The following DCDC2C variants were observed in gnomAD, a reference collection of about 807,000 sequenced individuals.
DCDC2C encodes the protein doublecortin domain containing 2C.
A neutral mutation model predicts 45.0 loss-of-function variants in DCDC2C; 44 were observed. That is an observed-to-expected ratio of 0.98 (90% CI 0.77 to 1.26). The LOEUF (loss-of-function observed/expected upper bound fraction) is 1.26. Among genes scored for constraint, DCDC2C ranks in the 50% most tolerant of loss-of-function variants. The pLI is 0.00. For missense variants in DCDC2C, 447 were observed against 468.9 expected, an observed-to-expected ratio of 0.95 and a Z score of 0.43; for synonymous variants, 187 against 178.8, an observed-to-expected ratio of 1.05 and a Z score of -0.37.
chr2:3,821,665 G>C (rs1282954624), intron 10 of DCDC2C, among the ~76,000 whole-genome samples: 1 of 152,208 alleles, frequency 6.6e-6, no homozygotes, highest in African/African-American at 2.4e-5. Flanking sequence ...TGTGTTGCTT[G>C]AGATACCAGA....
At chr2:3,824,844 T>G (rs6542655) in intron 10 of DCDC2C, among the ~76,000 whole-genome samples, 1 of 151,658 alleles carries the variant, frequency 6.6e-6, no homozygotes, top group Admixed American at 6.6e-5. Flanking sequence ...GATTTCTGTA[T>G]CTGGGTCTTG....
At chr2:3,820,616 G>A (rs571449704) in intron 10 of DCDC2C, among the ~76,000 whole-genome samples, 35 of 152,278 alleles carry the variant, frequency 2.3e-4, no homozygotes, top group African/African-American at 7.0e-4. Context: ...TCCCAAGTCC[G>A]TGACCGGTGC....
At chr2:3,745,281 C>G (rs910893532) in intron 4 of DCDC2C, among the ~76,000 whole-genome samples, 2 of 152,166 alleles carry the variant, frequency 1.3e-5, no homozygotes, top group African/African-American at 4.8e-5. Context: ...CCACTGCACC[C>G]AGCCTTGGAA....
At chr2:3,760,251 A>G (rs1329334586) in intron 6 of DCDC2C, among the ~76,000 whole-genome samples, 1 of 152,204 alleles carries the variant, frequency 6.6e-6, no homozygotes, top group African/African-American at 2.4e-5. Context: ...TTTTTTCTTA[A>G]TTCAGCAAAA....
intron 2 of DCDC2C, among the ~76,000 whole-genome samples, chr2:3,713,947 G>A (rs1414005956): frequency 1.3e-5 from 2 of 152,170 alleles, no homozygotes; most frequent in East Asian, 3.9e-4. Context: ...GAATACCAGT[G>A]TAAACTGTTT....
chr2:3,722,771 A>G (rs1018766098), intron 2 of DCDC2C, among the ~76,000 whole-genome samples: 4 of 152,250 alleles, frequency 2.6e-5, no homozygotes, highest in Non-Finnish European at 4.4e-5. Flanking sequence ...GGCAGGTGAT[A>G]GCAGGGTTAA....
intron 10 of DCDC2C, among the ~76,000 whole-genome samples, chr2:3,838,481 A>AGAGC (rs1672137026): frequency 6.8e-6 from 1 of 147,192 alleles, no homozygotes; most frequent in South Asian, 2.2e-4. Context: ...AGAGAGAGAG[A>AGAGC]GACCAAACAC....
At chr2:3,712,107 T>A (rs1411970540) in intron 2 of DCDC2C, among the ~76,000 whole-genome samples, 1 of 152,156 alleles carries the variant, frequency 6.6e-6, no homozygotes, top group Non-Finnish European at 1.5e-5. Flanking sequence ...CTGAATGAGT[T>A]GGAACCACCA....
intron 3 of DCDC2C, among the ~76,000 whole-genome samples, chr2:3,730,858 C>T (rs1272130244): frequency 1.3e-5 from 2 of 152,184 alleles, no homozygotes; most frequent in Non-Finnish European, 2.9e-5. Flanking sequence ...GAGTTGATCA[C>T]GGCCCTCACT....
At chr2:3,845,608 A>AC (rs1356457808) in intron 10 of DCDC2C, among the ~76,000 whole-genome samples, 1 of 152,238 alleles carries the variant, frequency 6.6e-6, no homozygotes, top group Non-Finnish European at 1.5e-5. Flanking sequence ...TCAAATAGGA[A>AC]CCATTGCCAT....
chr2:3,761,401 G>A lies in DCDC2C; in HGVS notation c.727-6353G>A, dbSNP rs1200458670. On this transcript the variant is annotated intron_variant, in intron 6 of 10. Coordinates refer to ENST00000399143, the MANE Select transcript of DCDC2C (RefSeq NM_001287444.2). This position sits in a 1 kb window ranked among gnomAD's most constrained non-coding sequence, Gnocchi z 4.3. ...CGTGTGTGTGTGCGTGTGTGTGTGCGTGAAAACAGTTGCAGAGGCATGTGC... is the reference window on the plus strand; with the variant it reads ...CGTGTGTGTGTGCGTGTGTGTGTGCATGAAAACAGTTGCAGAGGCATGTGC... Among the ~76,000 whole-genome samples, 6 of 152,178 alleles carry A rather than the reference G, an allele frequency of 3.9e-5. No individual in the cohort carries two copies. The East Asian group carries it at 5.8e-4, about 15-fold the overall frequency.
intron 10 of DCDC2C, among the ~76,000 whole-genome samples, chr2:3,840,649 G>C (rs984680172): frequency 1.3e-5 from 2 of 152,044 alleles, no homozygotes; most frequent in African/African-American, 4.8e-5. Context: ...TACACATTTT[G>C]GTCAGCTTAC....
intron 3 of DCDC2C, among the ~76,000 whole-genome samples, chr2:3,735,139 G>A (rs940642847): frequency 6.6e-6 from 1 of 152,136 alleles, no homozygotes; most frequent in Non-Finnish European, 1.5e-5. Context: ...CAGGATAACT[G>A]AACTTTGTGT....
chr2:3,794,587 T>C (rs1438281172), intron 10 of DCDC2C, among the ~76,000 whole-genome samples: 1 of 150,994 alleles, frequency 6.6e-6, no homozygotes, highest in Non-Finnish European at 1.5e-5. Flanking sequence ...CATTGCTCAA[T>C]TCCCACCTAT....
intron 3 of DCDC2C, among the ~76,000 whole-genome samples, chr2:3,741,548 C>T (rs911687491): frequency 1.3e-5 from 2 of 152,124 alleles, no homozygotes; most frequent in South Asian, 4.1e-4. Flanking sequence ...ACTGAAAAAG[C>T]GAGCCACACC....
chr2:3,822,478 CT>C lies in DCDC2C; in HGVS notation c.1066-24675del, dbSNP rs1048236222. 2.6e-5 allele frequency among the ~76,000 whole-genome samples: 4 copies of C among 151,812 alleles called. No individual in the cohort carries two copies. The South Asian group carries it at 6.2e-4, about 24-fold the overall frequency. On this transcript the variant is annotated intron_variant, in intron 10 of 10. Transcript: ENST00000399143. Reference sequence around the variant, plus strand: ...CAATAGTGTTATTCCCTGTACATTTCTGATTTTATCAATTTTAGTGTTCTCT... The same window carrying C: ...CAATAGTGTTATTCCCTGTACATTTCGATTTTATCAATTTTAGTGTTCTCT...
At position 3,818,876 on chromosome 2, in the gene DCDC2C, A is replaced by G. The variant is rs1467800320; in HGVS notation, c.1066-28278A>G. Among the ~76,000 whole-genome samples, 1 of 152,176 alleles carries G rather than the reference A, an allele frequency of 6.6e-6. No individual in the cohort carries two copies. The highest frequency in any genetic ancestry group is 1.5e-5 in the Non-Finnish European group (1 of 68,028). ...GTAGATAATTTAGTTAAAATGTTTCAGTTAATAAGGGAACTGGGCAGGTGG... is the reference window on the plus strand; with the variant it reads ...GTAGATAATTTAGTTAAAATGTTTCGGTTAATAAGGGAACTGGGCAGGTGG... On this transcript the variant is annotated intron_variant, in intron 10 of 10. Coordinates refer to ENST00000399143, the MANE Select transcript of DCDC2C (RefSeq NM_001287444.2). This position sits in a 1 kb window ranked among gnomAD's most constrained non-coding sequence, Gnocchi z 4.7.
chr2:3,777,812 T>A (rs1349656713), intron 8 of DCDC2C, among the ~76,000 whole-genome samples: 2 of 152,190 alleles, frequency 1.3e-5, no homozygotes, highest in African/African-American at 2.4e-5. Context: ...AGCTGTTGGG[T>A]CTTCATGGCT....
At chr2:3,806,078 C>T (rs1671236314) in intron 10 of DCDC2C, among the ~76,000 whole-genome samples, 2 of 152,110 alleles carry the variant, frequency 1.3e-5, no homozygotes, top group South Asian at 4.1e-4. Context: ...TCAAGTGATC[C>T]TCCTGCCTTG....
Sources: allele counts gnomAD v4.1 joint callset (sites outside exome capture counted in the v4.1 genomes callset), GRCh38; gene constraint gnomAD v4.1.1; non-coding constraint Gnocchi (gnomAD v3.1); transcripts MANE v1.5; gene names NCBI Gene and HGNC (gene_info 2026-07-23, HGNC 2026-07-21).